Variants in ATE1 observed in about 807,000 individuals in gnomAD.
ATE1 encodes arginyl-tRNA--protein transferase 1.
A neutral mutation model predicts 70.5 loss-of-function variants in ATE1; 36 were observed. That is an observed-to-expected ratio of 0.51 (90% CI 0.39 to 0.67). ATE1 has a LOEUF of 0.67. Among genes scored for constraint, ATE1 ranks in the 30% least tolerant of loss-of-function variants. The pLI is 0.00. For missense variants in ATE1, 593 were observed against 629.5 expected, an observed-to-expected ratio of 0.94 and a Z score of 0.62; for synonymous variants, 232 against 219.3, an observed-to-expected ratio of 1.06 and a Z score of -0.51.
intron 7 of ATE1, among the ~76,000 whole-genome samples, chr10:121,871,770 G>GT (rs1001188136): frequency 1.5e-4 from 23 of 152,142 alleles, no homozygotes; most frequent in African/African-American, 4.3e-4. Context: ...AATGCAAACA[G>GT]TAAGAATTTT....
chr10:121,866,866 AT>A (rs1240512884), intron 8 of ATE1, among the ~76,000 whole-genome samples: 1 of 146,020 alleles, frequency 6.8e-6, no homozygotes, highest in African/African-American at 2.5e-5. Flanking sequence ...AAAAAAAAAA[AT>A]TTGTATATTC....
chr10:121,838,929 G>A (rs1015892053), intron 9 of ATE1, among the ~76,000 whole-genome samples: 1 of 152,134 alleles, frequency 6.6e-6, no homozygotes, highest in African/African-American at 2.4e-5. Context: ...TTGATTGTTG[G>A]ATTGCTTAAG....
At chr10:121,831,775 A>C (rs147826472) in intron 10 of ATE1, among the ~76,000 whole-genome samples, 2 of 152,216 alleles carry the variant, frequency 1.3e-5, no homozygotes, top group Admixed American at 6.5e-5. Flanking sequence ...TTATTTAAAA[A>C]AAGACCAATC....
intron 10 of ATE1, among the ~76,000 whole-genome samples, chr10:121,830,345 G>T (rs997770303): frequency 9.9e-5 from 15 of 152,108 alleles, no homozygotes; most frequent in Non-Finnish European, 2.2e-4. Context: ...GGGAATGGAT[G>T]TGTTCCTGAG....
At position 121,816,085 on chromosome 10, in the gene ATE1, T is replaced by C. The variant is rs148259295; in HGVS notation, c.1257+20633A>G. On this transcript the variant is annotated intron_variant, in intron 10 of 11. Coordinates refer to ENST00000224652, the MANE Select transcript of ATE1 (RefSeq NM_001001976.3). ...GCCTATTCATTTCACTTCATTGCCC[T>C]ACTATAGCTAATATGTTAGAGAACG... Among the ~76,000 whole-genome samples the C allele has an allele frequency of 5.3e-5, 8 of 152,332 alleles. No homozygotes were observed. The East Asian group carries it at 1.5e-3, about 29-fold the overall frequency.
rs987150967 is a variant in ATE1 at position 121,918,761 on chromosome 10, T to C, written c.233+3588A>G. 2.0e-5 allele frequency among the ~76,000 whole-genome samples: 3 copies of C among 147,782 alleles called. No homozygotes were observed. The South Asian group carries it at 6.7e-4, about 33-fold the overall frequency. On this transcript the variant is annotated intron_variant, in intron 3 of 11. Transcript: ENST00000224652. ...AGTGTCAGCAAACCAGACCCCATTT[T>C]TCTCATCCTCTGCCAATCCAACGGC...
chr10:121,830,535 T>C (rs1948197298), intron 10 of ATE1, among the ~76,000 whole-genome samples: 1 of 152,240 alleles, frequency 6.6e-6, no homozygotes, highest in Non-Finnish European at 1.5e-5. Context: ...CTCTTTTCTT[T>C]ATAAATTCTC....
intron 7 of ATE1, among the ~76,000 whole-genome samples, chr10:121,888,058 G>A (rs998752387): frequency 6.6e-6 from 1 of 152,140 alleles, no homozygotes; most frequent in Non-Finnish European, 1.5e-5. Flanking sequence ...GGTATAACAT[G>A]CCTTTAAAAT....
Position 121,925,729 on chromosome 10 carries a change from A to G in ATE1, c.107-1400T>C, listed in dbSNP as rs193153730. Among the ~76,000 whole-genome samples, 1,242 of 151,734 alleles carry G rather than the reference A, an allele frequency of 8.2e-3. 11 individuals carry two copies. Among genetic ancestry groups the G allele is most frequent in the Middle Eastern group, 0.034 (10 of 292 alleles). ...TTTTCACAAAAAAAAAATAATAATC[A>G]TAATTAATCAGGTTTTGTGGCCTGT... On this transcript the variant is annotated intron_variant, in intron 1 of 11. Coordinates refer to ENST00000224652, the MANE Select transcript of ATE1 (RefSeq NM_001001976.3).
At chr10:121,808,047 C>T (rs1304057078) in intron 10 of ATE1, among the ~76,000 whole-genome samples, 1 of 151,970 alleles carries the variant, frequency 6.6e-6, no homozygotes, top group Non-Finnish European at 1.5e-5. Flanking sequence ...TTCCAGGAGA[C>T]AATTGGGGGC....
intron 10 of ATE1, among the ~76,000 whole-genome samples, chr10:121,820,091 A>C (rs1947733112): frequency 6.6e-6 from 1 of 151,998 alleles, no homozygotes. Context: ...GCAATGAGCC[A>C]AGATCATCCC....
chr10:121,764,257 G>T (rs1945181175), intron 11 of ATE1, among the ~76,000 whole-genome samples: 1 of 151,974 alleles, frequency 6.6e-6, no homozygotes, highest in African/African-American at 2.4e-5. Context: ...TAACAACAGG[G>T]GAAGCTGGGT....
At chr10:121,853,831 C>T (rs910454696) in intron 8 of ATE1, among the ~76,000 whole-genome samples, 6 of 152,132 alleles carry the variant, frequency 3.9e-5, no homozygotes, top group Non-Finnish European at 4.4e-5. Flanking sequence ...ATTCAAGGCA[C>T]CAACAGATTT....
chr10:121,766,442 A>C (rs1945280928), intron 11 of ATE1, among the ~76,000 whole-genome samples: 1 of 152,156 alleles, frequency 6.6e-6, no homozygotes. Context: ...AACCCTACAA[A>C]GACTCTGAAA....
intron 7 of ATE1, chr10:121,899,062 C>G: frequency 7.0e-7 from 1 of 1,426,068 alleles, no homozygotes. Flanking sequence ...TCCACAAATC[C>G]ACGCCAAAGC....
At chr10:121,863,766 C>T (rs899382925) in intron 8 of ATE1, among the ~76,000 whole-genome samples, 17 of 152,134 alleles carry the variant, frequency 1.1e-4, no homozygotes, top group Non-Finnish European at 1.6e-4. Flanking sequence ...CACGCCACTA[C>T]GCCCAGATAA....
intron 11 of ATE1, among the ~76,000 whole-genome samples, chr10:121,784,356 A>C (rs1946120965): frequency 6.6e-6 from 1 of 152,242 alleles, no homozygotes; most frequent in Non-Finnish European, 1.5e-5. Flanking sequence ...TCACATTTTC[A>C]AGAAGAAAAT....
chr10:121,791,414 A>T (rs1946450891), intron 10 of ATE1, among the ~76,000 whole-genome samples: 1 of 152,092 alleles, frequency 6.6e-6, no homozygotes, highest in Non-Finnish European at 1.5e-5. Flanking sequence ...TTTATAATCC[A>T]ATTATACACC....
chr10:121,879,444 T>G (rs1950162153), intron 7 of ATE1, among the ~76,000 whole-genome samples: 1 of 152,196 alleles, frequency 6.6e-6, no homozygotes, highest in African/African-American at 2.4e-5. Flanking sequence ...TTTATCTTCC[T>G]CTCTAACACA....
Sources: gnomAD v4.1 joint callset for allele counts (sites outside exome capture counted in the v4.1 genomes callset) on GRCh38, gnomAD v4.1.1 for gene constraint, MANE v1.5 for transcripts, NCBI Gene and HGNC (gene_info 2026-07-23, HGNC 2026-07-21) for gene names.